MYBL1: variants seen among roughly 807,000 people sequenced by gnomAD.
MYBL1 encodes myb-related protein A.
MYBL1 carries 17 observed loss-of-function variants against 96.3 expected under a neutral mutation model. That is an observed-to-expected ratio of 0.18 (90% confidence interval 0.12 to 0.26). MYBL1 has a LOEUF of 0.26. Among genes scored for constraint, MYBL1 ranks in the 10% least tolerant of loss-of-function variants. The pLI is 1.00. For missense variants in MYBL1, 701 were observed against 882.9 expected (o/e 0.79, Z 2.61); for synonymous variants, 282 against 292.7 (o/e 0.96, Z 0.37).
intron 8 of MYBL1, among the ~76,000 whole-genome samples, chr8:66,590,618 C>CT (rs1317801534): frequency 6.8e-6 from 1 of 147,256 alleles, no homozygotes; most frequent in Non-Finnish European, 1.5e-5. Context: ...AAAAAAAAAA[C>CT]TTTTTGTAGG....
intron 8 of MYBL1, among the ~76,000 whole-genome samples, chr8:66,590,968 T>C (rs915804939): frequency 1.6e-4 from 25 of 152,180 alleles, no homozygotes; most frequent in Non-Finnish European, 3.4e-4. Context: ...ATAGATATGC[T>C]AATTACCATG....
chr8:66,587,365 A>G (rs1809461545), intron 8 of MYBL1, among the ~76,000 whole-genome samples: 3 of 151,866 alleles, frequency 2.0e-5, no homozygotes, highest in African/African-American at 7.3e-5. Flanking sequence ...AATAATAATA[A>G]AAGCAAAAAA....
intron 8 of MYBL1, among the ~76,000 whole-genome samples, chr8:66,583,094 CCACAAAATAAGT>C (rs2129854190): frequency 6.6e-6 from 1 of 152,182 alleles, no homozygotes; most frequent in African/African-American, 2.4e-5. Context: ...ACGTATTAGG[CCACAAAATAAGT>C]CTGAACAAAT....
At chr8:66,607,150 A>G (rs569549622) in intron 1 of MYBL1, among the ~76,000 whole-genome samples, 2 of 151,720 alleles carry the variant, frequency 1.3e-5, no homozygotes, top group East Asian at 1.9e-4. Context: ...AAAAAAAAAA[A>G]CTCTACAGGC....
At chr8:66,583,465 A>G (rs1344833265) in intron 8 of MYBL1, among the ~76,000 whole-genome samples, 11 of 152,082 alleles carry the variant, frequency 7.2e-5, no homozygotes, top group Admixed American at 7.2e-4. Flanking sequence ...AAAATAAATA[A>G]TAAAAATCAA....
chr8:66,578,928 T>C (rs970702510), intron 9 of MYBL1, among the ~76,000 whole-genome samples: 1 of 152,078 alleles, frequency 6.6e-6, no homozygotes, highest in African/African-American at 2.4e-5. Flanking sequence ...ATGTCCTTTG[T>C]AGGGACATGG....
chr8:66,574,399 T>C (rs1344328041), intron 10 of MYBL1, among the ~76,000 whole-genome samples: 1 of 152,168 alleles, frequency 6.6e-6, no homozygotes, highest in African/African-American at 2.4e-5. Context: ...CCTACTTCAC[T>C]TTCTCCAGTG....
rs781425241 is a variant in MYBL1 at position 66,593,155 on chromosome 8, T to C, written c.727A>G (p.Ile243Val). 1.1e-5 allele frequency: 18 copies of C among 1,589,752 alleles called. No homozygotes were observed. In the East Asian group the frequency reaches 1.8e-4, roughly 16 times the overall value. The part of the protein sequence containing the change: ...YQYVSPEGNC[I>V]EHVQPTSAFI... ...GCAGAAGTAGGCTGAACATGTTCTA[T>C]ACAATTGCCTTCAGGTGACACATAC... The change falls in exon 7 of 16, where the codon ATA (isoleucine) becomes GTA (valine). Residue 243 changes from isoleucine (I) to valine (V), a missense_variant. Physicochemically the swap from Ile to Val is conservative, Grantham distance 29. Coordinates refer to ENST00000522677, the MANE Select transcript of MYBL1 (RefSeq NM_001080416.4).
At chr8:66,566,593 A>G in intron 14 of MYBL1, 91 bp downstream of exon 14, 1 of 796,874 alleles carries the variant, frequency 1.3e-6, no homozygotes, top group East Asian at 2.7e-5. Context: ...ATGAATTTCT[A>G]ATGAACTGGC....
At chr8:66,570,680 A>C (rs1563526846) in intron 12 of MYBL1, among the ~76,000 whole-genome samples, 1 of 152,198 alleles carries the variant, frequency 6.6e-6, no homozygotes, top group Non-Finnish European at 1.5e-5. Context: ...TATTTGCTGA[A>C]TTAATGATGA....
intron 1 of MYBL1, among the ~76,000 whole-genome samples, chr8:66,605,206 G>T (rs1810265293): frequency 6.6e-6 from 1 of 152,140 alleles, no homozygotes; most frequent in Non-Finnish European, 1.5e-5. Flanking sequence ...TCTGGTGTGT[G>T]TTTTGTAGTT....
At chr8:66,612,299 A>G (rs1681954931) in intron 1 of MYBL1, 1 of 154,662 alleles carries the variant, frequency 6.5e-6, no homozygotes, top group South Asian at 2.1e-4. Flanking sequence ...GAAAACATCA[A>G]AAAAGTCCTC....
chr8:66,612,433 C>G (rs997135273), intron 1 of MYBL1: 4 of 241,964 alleles, frequency 1.7e-5, no homozygotes, highest in Non-Finnish European at 3.1e-5. Flanking sequence ...AAGAGTCGCC[C>G]GAACACCATT....
At chr8:66,565,504 GTCAC>G (rs1808469382) in intron 15 of MYBL1, 1 of 152,226 alleles carries the variant, frequency 6.6e-6, no homozygotes, top group Non-Finnish European at 1.5e-5. Flanking sequence ...TAGTGCTGCA[GTCAC>G]TGTGGCATAA....
intron 12 of MYBL1, among the ~76,000 whole-genome samples, chr8:66,568,835 G>A (rs1808617419): frequency 1.3e-5 from 2 of 151,446 alleles, no homozygotes; most frequent in Admixed American, 1.3e-4. Context: ...GACCATCCTG[G>A]CTAACATGGT....
chr8:66,601,225 CATAAATT>C (rs1233375247), intron 3 of MYBL1, among the ~76,000 whole-genome samples: 1 of 140,464 alleles, frequency 7.1e-6, no homozygotes, highest in Non-Finnish European at 1.5e-5. Context: ...GAAAATACTT[CATAAATT>C]ATAAAGTTAT....
At chr8:66,568,420 G>A (rs1447370796) in intron 12 of MYBL1, among the ~76,000 whole-genome samples, 2 of 151,948 alleles carry the variant, frequency 1.3e-5, no homozygotes, top group Non-Finnish European at 1.5e-5. Context: ...CCGAGTAGCT[G>A]GGATCAACCG....
intron 1 of MYBL1, among the ~76,000 whole-genome samples, chr8:66,606,875 C>G (rs1005478433): frequency 6.6e-6 from 1 of 151,882 alleles, no homozygotes; most frequent in Non-Finnish European, 1.5e-5. Flanking sequence ...ACTGCAACCT[C>G]CACCTCCCTG....
At chr8:66,579,882 T>C (rs1441626288) in intron 9 of MYBL1, among the ~76,000 whole-genome samples, 2 of 152,154 alleles carry the variant, frequency 1.3e-5, no homozygotes, top group South Asian at 4.1e-4. Context: ...GTTTCCAGCT[T>C]TCTCTAATGC....
Sources: gnomAD v4.1 joint callset for allele counts (sites outside exome capture counted in the v4.1 genomes callset) on GRCh38, gnomAD v4.1.1 for gene constraint, MANE v1.5 for transcripts, NCBI Gene and HGNC (gene_info 2026-07-23, HGNC 2026-07-21) for gene names.